PPARGC1A: variants seen among roughly 807,000 people sequenced by gnomAD.
PPARGC1A encodes peroxisome proliferator-activated receptor gamma coactivator 1-alpha.
A neutral mutation model predicts 88.7 loss-of-function variants in PPARGC1A; 25 were observed. The observed-to-expected ratio is 0.28, with a 90% CI of 0.21 to 0.39. The LOEUF (loss-of-function observed/expected upper bound fraction) is 0.39. Among genes scored for constraint, PPARGC1A ranks in the 10% least tolerant of loss-of-function variants. The pLI is 1.00. For missense variants in PPARGC1A, 880 were observed against 968.7 expected (o/e 0.91, Z 1.22); for synonymous variants, 363 against 355.6 (o/e 1.02, Z -0.24).
the PPARGC1A span, among the ~76,000 whole-genome samples, chr4:24,027,753 TAATA>T: frequency 7.2e-5 from 11 of 152,218 alleles, no homozygotes; most frequent in African/African-American, 2.4e-4. Flanking sequence ...AAAATAGTCG[TAATA>T]ATTAACATTA....
chr4:24,002,569 C>T, the PPARGC1A span, among the ~76,000 whole-genome samples: 14 of 151,172 alleles, frequency 9.3e-5, no homozygotes, highest in African/African-American at 3.4e-4. Flanking sequence ...TGGCATAATC[C>T]CAGCGTTAAT....
chr4:24,061,666 G>T, the PPARGC1A span, among the ~76,000 whole-genome samples: 2 of 152,228 alleles, frequency 1.3e-5, no homozygotes, highest in Non-Finnish European at 2.9e-5. Flanking sequence ...GACTCAGCTT[G>T]CTGAGGTGTC....
chr4:24,436,134 T>C, the PPARGC1A span, among the ~76,000 whole-genome samples: 20 of 152,240 alleles, frequency 1.3e-4, no homozygotes, highest in Admixed American at 1.0e-3. Flanking sequence ...ATCAATATAA[T>C]GTTCCCAGCC....
intron 2 of PPARGC1A, among the ~76,000 whole-genome samples, chr4:23,879,324 A>G (rs1328009528): frequency 6.6e-6 from 1 of 152,160 alleles, no homozygotes; most frequent in East Asian, 1.9e-4. Context: ...CTCCAAGGAG[A>G]CAAGTGAAAA....
chr4:24,260,719 C>CT, the PPARGC1A span, among the ~76,000 whole-genome samples: 179 of 146,416 alleles, frequency 1.2e-3, 1 homozygote, highest in Middle Eastern at 3.5e-3. Context: ...TACAACATGT[C>CT]TTTTTTTTTT....
intron 12 of PPARGC1A, among the ~76,000 whole-genome samples, chr4:23,800,984 T>A (rs1295899719): frequency 2.0e-5 from 3 of 150,298 alleles, no homozygotes; most frequent in Non-Finnish European, 1.5e-5. Context: ...TTTTTTTTTT[T>A]AAAGAAAGCA....
At chr4:24,091,839 T>A in the PPARGC1A span, among the ~76,000 whole-genome samples, 3 of 151,982 alleles carry the variant, frequency 2.0e-5, no homozygotes, top group African/African-American at 7.3e-5. Flanking sequence ...GCTTGTGGTG[T>A]AAAGGTCAGA....
At chr4:23,961,197 A>G in the PPARGC1A span, among the ~76,000 whole-genome samples, 1 of 152,154 alleles carries the variant, frequency 6.6e-6, no homozygotes, top group Admixed American at 6.5e-5. Context: ...TTCTGCCACC[A>G]TAACAGAACT....
chr4:24,117,903 C>A, the PPARGC1A span, among the ~76,000 whole-genome samples: 1 of 152,050 alleles, frequency 6.6e-6, no homozygotes, highest in Non-Finnish European at 1.5e-5. Flanking sequence ...CTTTGTCACA[C>A]AAGCTGGGCC....
the PPARGC1A span, among the ~76,000 whole-genome samples, chr4:23,995,303 G>C: frequency 6.6e-6 from 1 of 152,154 alleles, no homozygotes; most frequent in Non-Finnish European, 1.5e-5. Context: ...CCTCACGTGG[G>C]AGTCACTTGT....
the PPARGC1A span, among the ~76,000 whole-genome samples, chr4:24,403,876 G>T: frequency 3.3e-5 from 5 of 152,038 alleles, no homozygotes; most frequent in Non-Finnish European, 7.4e-5. Flanking sequence ...TCTAGACACA[G>T]CACAAAAATT....
At chr4:24,357,303 C>T in the PPARGC1A span, among the ~76,000 whole-genome samples, 31 of 152,308 alleles carry the variant, frequency 2.0e-4, no homozygotes, top group Non-Finnish European at 3.8e-4. Context: ...TGTCCAAGGC[C>T]AGATGACCAA....
chr4:24,186,941 C>T, the PPARGC1A span, among the ~76,000 whole-genome samples: 22 of 152,206 alleles, frequency 1.4e-4, no homozygotes, highest in Admixed American at 2.6e-4. Context: ...CATCTATTTG[C>T]GGAAAAGCTT....
At chr4:24,455,972 A>G in the PPARGC1A span, among the ~76,000 whole-genome samples, 1 of 152,254 alleles carries the variant, frequency 6.6e-6, no homozygotes, top group Admixed American at 6.5e-5. Flanking sequence ...AGGCTGCTTT[A>G]GACACTATCT....
At chr4:23,869,809 T>C (rs1448249726) in intron 2 of PPARGC1A, among the ~76,000 whole-genome samples, 2 of 152,054 alleles carry the variant, frequency 1.3e-5, no homozygotes, top group African/African-American at 4.8e-5. Flanking sequence ...CGGAAAGCCA[T>C]GAAGGAGAAA....
At chr4:24,349,913 A>G in the PPARGC1A span, among the ~76,000 whole-genome samples, 12 of 152,206 alleles carry the variant, frequency 7.9e-5, no homozygotes, top group South Asian at 1.9e-3. Flanking sequence ...CACCCTCCCG[A>G]TGGATCCCTG....
At chr4:24,472,685 G>A in the PPARGC1A span, among the ~76,000 whole-genome samples, 2 of 151,900 alleles carry the variant, frequency 1.3e-5, no homozygotes, top group South Asian at 4.2e-4. The surrounding 1 kb of genome is among the most constrained non-coding windows in gnomAD (Gnocchi z 4.5). Context: ...CGCCGCCGCC[G>A]CCGCTGCCGC....
At chr4:24,030,590 A>G in the PPARGC1A span, among the ~76,000 whole-genome samples, 2,525 of 152,208 alleles carry the variant, frequency 0.017, 76 homozygotes, top group African/African-American at 0.058. Flanking sequence ...ATTTCCCTTG[A>G]TCACCTTCAT....
chr4:23,971,711 C>T, the PPARGC1A span, among the ~76,000 whole-genome samples: 1 of 152,174 alleles, frequency 6.6e-6, no homozygotes, highest in East Asian at 1.9e-4. Flanking sequence ...GTCTGCCTTT[C>T]CCAGCGCACT....
Sources: gnomAD v4.1 joint callset for allele counts (sites outside exome capture counted in the v4.1 genomes callset) on GRCh38, gnomAD v4.1.1 for gene constraint, Gnocchi (gnomAD v3.1) non-coding constraint, MANE v1.5 for transcripts, NCBI Gene and HGNC (gene_info 2026-07-23, HGNC 2026-07-21) for gene names.